Variants in CNTNAP2 observed in about 807,000 individuals in gnomAD.
CNTNAP2 encodes contactin-associated protein-like 2.
Under a neutral mutation model 155.2 loss-of-function variants are expected in CNTNAP2, and 98 were observed. The observed-to-expected ratio is 0.63, with a 90% CI of 0.54 to 0.75. The LOEUF (loss-of-function observed/expected upper bound fraction) is 0.75. CNTNAP2 is among the 30% of genes least tolerant of loss of function. The pLI, the probability that CNTNAP2 is intolerant of heterozygous loss-of-function variation, is 0.00. For missense variants in CNTNAP2, 1,727 were observed against 1,688.1 expected (o/e 1.02, Z -0.40); for synonymous variants, 651 against 631.2 (o/e 1.03, Z -0.47).
chr7:146,639,524 G>A (rs1799669279), intron 1 of CNTNAP2, among the ~76,000 whole-genome samples: 1 of 152,164 alleles, frequency 6.6e-6, no homozygotes, highest in Non-Finnish European at 1.5e-5. Flanking sequence ...ACTTGCTTGA[G>A]TGTAAAATAT....
intron 13 of CNTNAP2, among the ~76,000 whole-genome samples, chr7:147,772,470 A>G (rs1323000449): frequency 7.7e-6 from 1 of 129,424 alleles, no homozygotes; most frequent in Non-Finnish European, 1.6e-5. Context: ...ATATATATAT[A>G]TATATATATA....
At chr7:146,451,211 G>T (rs1796476094) in intron 1 of CNTNAP2, among the ~76,000 whole-genome samples, 1 of 152,202 alleles carries the variant, frequency 6.6e-6, no homozygotes, top group Non-Finnish European at 1.5e-5. Context: ...CTCCCAAAGT[G>T]CTGGGATTAC....
chr7:147,586,141 A>G (rs1800614550), intron 12 of CNTNAP2, among the ~76,000 whole-genome samples: 1 of 152,194 alleles, frequency 6.6e-6, no homozygotes, highest in Non-Finnish European at 1.5e-5. Flanking sequence ...ATTATGGTCT[A>G]AAGACATAGA....
chr7:146,480,916 G>T (rs778187626), intron 1 of CNTNAP2, among the ~76,000 whole-genome samples: 33 of 151,614 alleles, frequency 2.2e-4, no homozygotes, highest in Admixed American at 6.6e-4. Context: ...TCCTGACCTC[G>T]TGATCCGCCC....
At chr7:147,730,822 A>G (rs1223192792) in intron 13 of CNTNAP2, among the ~76,000 whole-genome samples, 1 of 152,126 alleles carries the variant, frequency 6.6e-6, no homozygotes, top group African/African-American at 2.4e-5. Context: ...GAATGCAAAG[A>G]AAAAGTTCTT....
intron 3 of CNTNAP2, among the ~76,000 whole-genome samples, chr7:147,039,568 C>G (rs1404113966): frequency 6.6e-6 from 1 of 152,206 alleles, no homozygotes; most frequent in Non-Finnish European, 1.5e-5. Flanking sequence ...ATATGTAGCA[C>G]ATTTTCTTCA....
At chr7:146,393,371 A>G (rs1356475835) in intron 1 of CNTNAP2, among the ~76,000 whole-genome samples, 1 of 152,188 alleles carries the variant, frequency 6.6e-6, no homozygotes, top group Non-Finnish European at 1.5e-5. Flanking sequence ...TCCACCTGGC[A>G]GTGACATTTA....
intron 1 of CNTNAP2, among the ~76,000 whole-genome samples, chr7:146,272,864 G>A (rs1800103779): frequency 6.6e-6 from 1 of 152,146 alleles, no homozygotes; most frequent in Non-Finnish European, 1.5e-5. Flanking sequence ...ATCTTTTTAT[G>A]TTAGGGAAGA....
At chr7:146,711,819 A>ATAT (rs5888220) in intron 1 of CNTNAP2, among the ~76,000 whole-genome samples, 1 of 94,004 alleles carries the variant, frequency 1.1e-5, no homozygotes, top group African/African-American at 8.7e-5. Flanking sequence ...TTATGTATAC[A>ATAT]ATATAGTATA....
chr7:147,147,817 A>G (rs1801737854), intron 8 of CNTNAP2, among the ~76,000 whole-genome samples: 1 of 152,210 alleles, frequency 6.6e-6, no homozygotes, highest in African/African-American at 2.4e-5. Flanking sequence ...CGCTACAAAA[A>G]AAAGTACCCA....
At chr7:146,971,038 A>C (rs1278590520) in intron 3 of CNTNAP2, among the ~76,000 whole-genome samples, 1 of 152,144 alleles carries the variant, frequency 6.6e-6, no homozygotes, top group East Asian at 1.9e-4. Flanking sequence ...AGGAAGGGGA[A>C]CATCACACTC....
In CNTNAP2 at chr7:147,569,867, C is replaced by T. The variant is rs931186020; in HGVS notation, c.1897+7610C>T. Among the ~76,000 whole-genome samples, 19 of 152,342 alleles carry T rather than the reference C, an allele frequency of 1.2e-4. No homozygotes were observed. The East Asian group carries it at 3.3e-3, about 26-fold the overall frequency. ...TCTTGCCAGGCTGAGACCAAGGTGTCACCCAGGGCTTGGGTTTTACCAGAG... is the reference window on the plus strand; with the variant it reads ...TCTTGCCAGGCTGAGACCAAGGTGTTACCCAGGGCTTGGGTTTTACCAGAG... On this transcript the variant is annotated intron_variant, in intron 12 of 23. Coordinates refer to ENST00000361727, the MANE Select transcript of CNTNAP2 (RefSeq NM_014141.6).
chr7:148,260,037 A>G (rs1421083154), intron 20 of CNTNAP2, among the ~76,000 whole-genome samples: 2 of 152,212 alleles, frequency 1.3e-5, no homozygotes, highest in Non-Finnish European at 2.9e-5. Context: ...CCCCAAAGAA[A>G]TTACCTTGAA....
rs77039185 is a variant in CNTNAP2, at chr7:147,471,413, A to G, written c.1671-14522A>G. Among the ~76,000 whole-genome samples, 472 of 152,330 alleles carry G rather than the reference A, an allele frequency of 3.1e-3. 3 individuals are homozygous for G. The highest frequency in any genetic ancestry group is 0.011 in the African/African-American group (444 of 41,582). On this transcript the variant is annotated intron_variant, in intron 10 of 23. Transcript: ENST00000361727. ...TCCTGTTTGGGGGATGAGGGTAGCT[A>G]TTTACAAAAGAGACACATGGAAAAA...
intron 13 of CNTNAP2, among the ~76,000 whole-genome samples, chr7:147,797,627 G>C (rs1290151175): frequency 6.6e-6 from 1 of 152,058 alleles, no homozygotes; most frequent in Admixed American, 6.6e-5. Context: ...GACTCTTGGA[G>C]CTCTGGATAG....
chr7:146,786,943 A>G (rs1157267161), intron 2 of CNTNAP2: 1 of 152,126 alleles, frequency 6.6e-6, no homozygotes, highest in Non-Finnish European at 1.5e-5. Context: ...GACATCCACA[A>G]CCGGAAAGAC....
At chr7:147,001,842 G>C (rs1291098384) in intron 3 of CNTNAP2, among the ~76,000 whole-genome samples, 1 of 151,776 alleles carries the variant, frequency 6.6e-6, no homozygotes. Flanking sequence ...GGAATAAATA[G>C]AAATTGTACA....
chr7:146,660,907 T>C (rs1364963947), intron 1 of CNTNAP2, among the ~76,000 whole-genome samples: 2 of 152,212 alleles, frequency 1.3e-5, no homozygotes, highest in East Asian at 1.9e-4. Context: ...CACCTCACCA[T>C]AGCAAGAAGT....
intron 9 of CNTNAP2, among the ~76,000 whole-genome samples, chr7:147,324,929 A>G (rs997429656): frequency 1.3e-5 from 2 of 152,188 alleles, no homozygotes; most frequent in African/African-American, 4.8e-5. Flanking sequence ...AATTCACTGC[A>G]TGCCTGTAGG....
Sources: gnomAD v4.1 joint callset for allele counts (sites outside exome capture counted in the v4.1 genomes callset) on GRCh38, gnomAD v4.1.1 for gene constraint, MANE v1.5 for transcripts, NCBI Gene and HGNC (gene_info 2026-07-23, HGNC 2026-07-21) for gene names.